MMP28: variants seen among roughly 807,000 people sequenced by gnomAD.
MMP28 encodes the protein matrix metallopeptidase 28.
In MMP28, 55 loss-of-function variants were observed where a neutral mutation model predicts 60.5. The observed-to-expected ratio is 0.91, with a 90% CI of 0.73 to 1.14. The LOEUF is 1.14. Among genes scored for constraint, MMP28 ranks in the 50% most tolerant of loss-of-function variants. MMP28 has a pLI of 0.00. For missense variants in MMP28, 686 were observed against 738.3 expected (o/e 0.93, Z 0.82); for synonymous variants, 318 against 312.5 (o/e 1.02, Z -0.18).
intron 2 of MMP28, among the ~76,000 whole-genome samples, chr17:35,759,296 C>T (rs1473321300): frequency 1.3e-5 from 2 of 152,172 alleles, no homozygotes; most frequent in African/African-American, 4.8e-5. Context: ...GTCTTGAAAG[C>T]AGAGGCCCTG....
intron 5 of MMP28, among the ~76,000 whole-genome samples, chr17:35,768,735 G>A (rs767643691): frequency 3.9e-5 from 6 of 152,170 alleles, no homozygotes; most frequent in Non-Finnish European, 5.9e-5. Flanking sequence ...GCTTGAATCC[G>A]AGAGGTGGAG....
intron 1 of MMP28, among the ~76,000 whole-genome samples, chr17:35,787,114 G>A (rs560416919): frequency 1.3e-5 from 2 of 152,302 alleles, no homozygotes; most frequent in South Asian, 2.1e-4. Context: ...GGTCAAACTG[G>A]GGTGTTTCTG....
downstream of MMP28, chr17:35,764,350 G>T (rs2085890768): frequency 2.7e-6 from 4 of 1,457,480 alleles, no homozygotes; most frequent in African/African-American, 5.9e-5. Context: ...CTCGACCGGG[G>T]CACGAGGGAG....
Position 35,769,889 on chromosome 17 carries a change from C to T in MMP28, c.850+178G>A, listed in dbSNP as rs534906113. Among the ~76,000 whole-genome samples the T allele has an allele frequency of 1.2e-4, 19 of 152,032 alleles. No individual in the cohort carries two copies. The South Asian group carries it at 3.7e-3, about 30-fold the overall frequency. ...CCATGGACTCGGGGGAGCAAGAATCCGAGGTTTTTCAGATTTGAGGAGGGG... is the reference window on the plus strand; with the variant it reads ...CCATGGACTCGGGGGAGCAAGAATCTGAGGTTTTTCAGATTTGAGGAGGGG... On this transcript the variant is annotated intron_variant, in intron 5 of 7. Transcript: ENST00000605424.
At position 35,770,085 on chromosome 17, in the gene MMP28, C is replaced by CCAGCACGTCGTCCCAGCTGAG. The variant is rs770554972; in HGVS notation, c.811_831dup (p.Leu271_Leu277dup). 5.7e-6 allele frequency: 9 copies of CCAGCACGTCGTCCCAGCTGAG among 1,590,036 alleles called. No individual in the cohort carries two copies. Among genetic ancestry groups the CCAGCACGTCGTCCCAGCTGAG allele is most frequent in the Non-Finnish European group, 7.7e-6 (9 of 1,169,022 alleles). ...GCCTCACCATACAGGCTCTGCACGG[C>CCAGCACGTCGTCCCAGCTGAG]CAGCACGTCGTCCCAGCTGAGCAGC... On this transcript the variant is annotated inframe_insertion, in exon 5 of 8. Coordinates refer to ENST00000605424, the MANE Select transcript of MMP28 (RefSeq NM_024302.5).
chr17:35,762,852 G>A (rs587708946), downstream of MMP28, among the ~76,000 whole-genome samples: 2 of 152,228 alleles, frequency 1.3e-5, no homozygotes, highest in African/African-American at 4.8e-5. Flanking sequence ...GTGGCCAGGC[G>A]CGGTGGCTCA....
At chr17:35,764,829 G>A (rs782242573), downstream of MMP28, 23 of 510,474 alleles carry the variant, frequency 4.5e-5, no homozygotes, top group Non-Finnish European at 7.0e-5. Flanking sequence ...GCAGAGCCCA[G>A]CATAACCTAG....
intron 2 of MMP28, among the ~76,000 whole-genome samples, chr17:35,760,616 A>G (rs1302741795): frequency 6.6e-6 from 1 of 152,252 alleles, no homozygotes; most frequent in East Asian, 1.9e-4. Flanking sequence ...GGTCAGAGAG[A>G]TACCATGCTG....
intron 1 of MMP28, among the ~76,000 whole-genome samples, chr17:35,789,749 T>C (rs1489841497): frequency 1.3e-5 from 2 of 151,900 alleles, no homozygotes; most frequent in Non-Finnish European, 2.9e-5. Context: ...TAAGAAAACA[T>C]AATTTGCAAC....
intron 3 of MMP28, 143 bp downstream of exon 3, chr17:35,778,745 A>G: frequency 3.3e-6 from 5 of 1,521,372 alleles, no homozygotes; most frequent in Non-Finnish European, 4.4e-6. Flanking sequence ...CCTCAAGCCA[A>G]GAGGTCCTAT....
At chr17:35,764,273 G>C, downstream of MMP28, 4 of 1,536,436 alleles carry the variant, frequency 2.6e-6, no homozygotes, top group Non-Finnish European at 3.5e-6. Context: ...CGGCTTCTGG[G>C]GCTGGCTCGG....
chr17:35,765,898 T>G lies in MMP28; in HGVS notation c.*602A>C. Reference sequence around the variant, plus strand: ...TCTCGGCCCACCAGCTGAAGGCACCTCTTTATTCCAGCCCCAGACAAAAAG... The same window carrying G: ...TCTCGGCCCACCAGCTGAAGGCACCGCTTTATTCCAGCCCCAGACAAAAAG... On this transcript the variant is annotated 3_prime_UTR_variant, in exon 8 of 8. Coordinates refer to ENST00000605424, the MANE Select transcript of MMP28 (RefSeq NM_024302.5). The G allele has an allele frequency of 1.0e-6, 1 of 985,404 alleles. No individual in the cohort carries two copies. The highest frequency in any genetic ancestry group is 1.2e-6 in the Non-Finnish European group (1 of 829,936). The allele number at this position is 985,404 out of a possible 1,614,324, so 61.0% of individuals were successfully genotyped here.
In MMP28 at chr17:35,767,900, G is replaced by A. The variant is rs776622314; in HGVS notation, c.1020C>T (p.Tyr340=). The change falls in exon 7 of 8, where the codon TAC becomes TAT. Residue 340 remains tyrosine (Y), a synonymous_variant. Transcript: ENST00000605424. ...CCCAGAAATGGCTCCCTTTAAAAAT[G>A]TACAGTTGCTGTTGCCTGTCTGCCC... ...AITVDRQQQL[Y]IFKGSHFWEV... is the part of the protein sequence containing the mutation. 2 of 1,595,926 alleles carry A rather than the reference G, an allele frequency of 1.3e-6. No homozygotes were observed. Among genetic ancestry groups the A allele is most frequent in the South Asian group, 2.3e-5 (2 of 88,254 alleles).
downstream of MMP28, chr17:35,764,137 G>A (rs891023689): frequency 2.6e-6 from 4 of 1,549,312 alleles, 1 homozygote; most frequent in African/African-American, 5.5e-5. Flanking sequence ...ACAGCGCGAC[G>A]GAGGGCGAGG....
At chr17:35,770,333 CA>C (rs112416374) in intron 4 of MMP28, 21 bp from the exon 5 acceptor site, 21 of 1,478,834 alleles carry the variant, frequency 1.4e-5, no homozygotes, top group African/African-American at 8.4e-5. Flanking sequence ...GGCAGAAGGT[CA>C]GGGGGTGCCA....
chr17:35,759,382 G>A (rs1008534228), intron 2 of MMP28, among the ~76,000 whole-genome samples: 5 of 152,168 alleles, frequency 3.3e-5, no homozygotes, highest in Non-Finnish European at 5.9e-5. Flanking sequence ...CAAACAGCAG[G>A]TTTGCTCACT....
At chr17:35,775,170 A>G (rs2086288906) in intron 3 of MMP28, among the ~76,000 whole-genome samples, 1 of 152,106 alleles carries the variant, frequency 6.6e-6, no homozygotes, top group South Asian at 2.1e-4. Context: ...AATAGGGAGG[A>G]TGAATAGGAA....
chr17:35,760,789 T>C, intron 2 of MMP28: 1 of 847,486 alleles, frequency 1.2e-6, no homozygotes, highest in South Asian at 1.5e-5. Context: ...AGGAAATTAT[T>C]CCTGGGCAGA....
chr17:35,767,662 A>C, intron 7 of MMP28, 90 bp downstream of exon 7: 2 of 1,447,216 alleles, frequency 1.4e-6, no homozygotes, highest in South Asian at 1.3e-5. Context: ...CTCGTGTGAG[A>C]GTCTTCCCCT....
Sources: gnomAD v4.1 joint callset for allele counts (sites outside exome capture counted in the v4.1 genomes callset) on GRCh38, gnomAD v4.1.1 for gene constraint, MANE v1.5 for transcripts, NCBI Gene and HGNC (gene_info 2026-07-23, HGNC 2026-07-21) for gene names.